Variants in CDH13 observed in about 807,000 individuals in gnomAD.
The protein encoded by CDH13 is cadherin 13, also known as cadherin-13.
Under a neutral mutation model 63.8 loss-of-function variants are expected in CDH13, and 24 were observed. The observed-to-expected ratio is 0.38, with a 90% CI of 0.27 to 0.53. The LOEUF (loss-of-function observed/expected upper bound fraction) is 0.53. Ranked by LOEUF, CDH13 falls within the 20% of genes least tolerant of loss-of-function variation. The pLI is 0.85. For synonymous variants in CDH13, 503 were observed against 355.3 expected (o/e 1.42, Z -4.67); for missense variants, 1,049 against 903.1 (o/e 1.16, Z -2.07).
intron 4 of CDH13, among the ~76,000 whole-genome samples, chr16:83,153,405 G>T (rs771878311): frequency 1.2e-4 from 19 of 152,240 alleles, no homozygotes; most frequent in Non-Finnish European, 2.2e-4. Context: ...GGGAGGGTCA[G>T]TATCTTACAG....
chr16:82,639,451 G>C, intron 1 of CDH13: 1 of 1,533,636 alleles, frequency 6.5e-7, no homozygotes, highest in South Asian at 1.2e-5. Flanking sequence ...CCCACCTGCA[G>C]CTTCAACCAT....
At chr16:83,046,781 T>G (rs879594844) in intron 3 of CDH13, among the ~76,000 whole-genome samples, 2 of 152,126 alleles carry the variant, frequency 1.3e-5, no homozygotes, top group Non-Finnish European at 2.9e-5. Flanking sequence ...TGGCCTGAGA[T>G]TGTTGCTCTG....
At position 83,275,944 on chromosome 16, in the gene CDH13, A is replaced by G. The variant is rs190302783; in HGVS notation, c.636+58447A>G. ...TGCTTTATGTTCTATAATAGAAAAA[A>G]TCGAGGTGGCTTATAATGAAGACTA... On this transcript the variant is annotated intron_variant, in intron 5 of 13. Transcript: ENST00000567109. Among the ~76,000 whole-genome samples, 12 of 152,306 alleles carry G rather than the reference A, an allele frequency of 7.9e-5. No homozygotes were observed. In the East Asian group the frequency reaches 2.1e-3, roughly 27 times the overall value.
At chr16:82,775,376 G>T (rs933893120) in intron 1 of CDH13, among the ~76,000 whole-genome samples, 1 of 152,178 alleles carries the variant, frequency 6.6e-6, no homozygotes, top group Non-Finnish European at 1.5e-5. Flanking sequence ...CCAGCTGTAT[G>T]TATGAGCATG....
intron 3 of CDH13, among the ~76,000 whole-genome samples, chr16:83,065,156 C>G (rs938288707): frequency 6.6e-6 from 1 of 152,188 alleles, no homozygotes; most frequent in African/African-American, 2.4e-5. Flanking sequence ...ACCTTTGTCT[C>G]CTGGTGATAT....
intron 1 of CDH13, among the ~76,000 whole-genome samples, chr16:82,748,969 C>T (rs2034297161): frequency 6.6e-6 from 1 of 152,166 alleles, no homozygotes; most frequent in South Asian, 2.1e-4. Flanking sequence ...ACATTTATGA[C>T]CAATATATGG....
chr16:83,063,431 C>A (rs373991399), intron 3 of CDH13, among the ~76,000 whole-genome samples: 80 of 152,276 alleles, frequency 5.3e-4, no homozygotes, highest in African/African-American at 1.8e-3. Context: ...TTCAGCTCTT[C>A]ATGAAGATTG....
chr16:83,116,848 C>T lies in CDH13; in HGVS notation c.367-8537C>T, dbSNP rs556596997. Among the ~76,000 whole-genome samples, 23 of 152,300 alleles carry T rather than the reference C, an allele frequency of 1.5e-4. No individual in the cohort carries two copies. In the South Asian group the frequency reaches 4.6e-3, roughly 30 times the overall value. On this transcript the variant is annotated intron_variant, in intron 3 of 13. Transcript: ENST00000567109. Reference sequence around the variant, plus strand: ...AGCCAGAGAAATTGACTCCAACTCTCCCTTTCCACAAATCAAATGCTCAGA... The same window carrying T: ...AGCCAGAGAAATTGACTCCAACTCTTCCTTTCCACAAATCAAATGCTCAGA...
intron 1 of CDH13, among the ~76,000 whole-genome samples, chr16:82,649,818 G>C (rs1910515111): frequency 6.6e-6 from 1 of 152,184 alleles, no homozygotes; most frequent in Admixed American, 6.5e-5. Context: ...CTGTAACCTT[G>C]AGCAAACCCC....
chr16:83,139,314 C>T (rs2036432172), intron 4 of CDH13, among the ~76,000 whole-genome samples: 1 of 152,212 alleles, frequency 6.6e-6, no homozygotes, highest in South Asian at 2.1e-4. Flanking sequence ...TACTTTAGTC[C>T]TTCCTTGCTG....
Position 83,486,603 on chromosome 16 carries a change from C to T in CDH13, c.908C>T (p.Pro303Leu), listed in dbSNP as rs1370495766. 6.2e-7 allele frequency: 1 copy of T among 1,613,798 alleles called. No individual in the cohort carries two copies. Among genetic ancestry groups the T allele is most frequent in the African/African-American group, 1.3e-5 (1 of 74,916 alleles). ...KPSPNMFYID[P>L]EKGDIVTVVS... ...TCTCCCAACATGTTCTACATCGATC[C>T]TGAGAAAGGAGACATTGTCACTGTT... Residue 303 changes from proline to leucine, a missense_variant, in exon 7 of 14, where the codon CCT (proline) becomes CTT (leucine). Coordinates refer to ENST00000567109, the MANE Select transcript of CDH13 (RefSeq NM_001257.5).
chr16:82,784,412 G>A (rs1032038703), intron 1 of CDH13, among the ~76,000 whole-genome samples: 2 of 152,130 alleles, frequency 1.3e-5, no homozygotes, highest in Admixed American at 1.3e-4. Context: ...GAGGAAATGT[G>A]GTCCAGCTGT....
rs548505280 is a variant in CDH13 at position 82,760,969 on chromosome 16, C to T, written c.46-97393C>T. 1.7e-4 allele frequency among the ~76,000 whole-genome samples: 26 copies of T among 150,212 alleles called. No homozygotes were observed. The South Asian group carries it at 5.3e-3, about 31-fold the overall frequency. ...GGATCTACCCCCATAAGCCAAATAT[C>T]TCCCACCAGCCTCCACCTCCAACTC... On this transcript the variant is annotated intron_variant, in intron 1 of 13. Transcript: ENST00000567109.
At chr16:83,509,588 G>A (rs569801929) in intron 7 of CDH13, among the ~76,000 whole-genome samples, 1 of 152,300 alleles carries the variant, frequency 6.6e-6, no homozygotes, top group East Asian at 1.9e-4. Context: ...GATTTAAAGA[G>A]TGGGAAGTAG....
At chr16:82,972,501 G>T (rs1266902702) in intron 2 of CDH13, among the ~76,000 whole-genome samples, 1 of 152,176 alleles carries the variant, frequency 6.6e-6, no homozygotes. Context: ...GTTGTTGCTA[G>T]CCTTGGGACC....
intron 4 of CDH13, among the ~76,000 whole-genome samples, chr16:83,132,133 C>G (rs1221927339): frequency 6.6e-6 from 1 of 152,108 alleles, no homozygotes; most frequent in Admixed American, 6.5e-5. Flanking sequence ...ATTTAATAGC[C>G]ATTTGCCTCA....
rs1391419922 is a variant in CDH13 at position 83,795,022 on chromosome 16, G to A, written c.2135-1G>A. The A allele has an allele frequency of 1.3e-6, 2 of 1,594,436 alleles. No homozygotes were observed. The highest frequency in any genetic ancestry group is 1.7e-6 in the Non-Finnish European group (2 of 1,170,184). ...CTTAACTCTGAACCCTCTCTATTCA[G>A]GTCTGTGAGAACTCCTGACGTCTGA... On this transcript the variant is annotated splice_acceptor_variant, in intron 13 of 13. Transcript: ENST00000567109. LOFTEE classifies it high-confidence loss of function.
intron 10 of CDH13, chr16:83,710,674 C>A (rs868373976): frequency 6.6e-6 from 1 of 152,184 alleles, no homozygotes; most frequent in Non-Finnish European, 1.5e-5. Flanking sequence ...ATTGACTCAC[C>A]ATCTCTAAAC....
chr16:83,583,340 G>C (rs938844902), intron 7 of CDH13, among the ~76,000 whole-genome samples: 1 of 146,660 alleles, frequency 6.8e-6, no homozygotes, highest in Admixed American at 6.7e-5. Flanking sequence ...TATTTTGGGC[G>C]ACCACCATTC....
Sources: gnomAD v4.1 joint callset for allele counts (sites outside exome capture counted in the v4.1 genomes callset) on GRCh38, gnomAD v4.1.1 for gene constraint, MANE v1.5 for transcripts, NCBI Gene and HGNC (gene_info 2026-07-23, HGNC 2026-07-21) for gene names.